The following CDH12 variants were observed in gnomAD, a reference collection of about 807,000 sequenced individuals.
CDH12 encodes cadherin 12, also known as cadherin-12.
CDH12 carries 41 observed loss-of-function variants against 74.1 expected under a neutral mutation model. That is an observed-to-expected ratio of 0.55 (90% confidence interval 0.43 to 0.72). The LOEUF (loss-of-function observed/expected upper bound fraction) is 0.72, where lower values mean the gene tolerates loss of function less well. Ranked by LOEUF, CDH12 falls within the 30% of genes least tolerant of loss-of-function variation. The probability of loss-of-function intolerance (pLI) is 0.00; values close to 1 mark genes in which losing one functional copy is unlikely to be tolerated. For missense variants in CDH12, 945 were observed against 977.2 expected, an observed-to-expected ratio of 0.97 and a Z score of 0.44; for synonymous variants, 399 against 355.0, an observed-to-expected ratio of 1.12 and a Z score of -1.39.
intron 1 of CDH12, among the ~76,000 whole-genome samples, chr5:22,833,064 CT>C (rs1561063901): frequency 6.6e-6 from 1 of 152,090 alleles, no homozygotes; most frequent in African/African-American, 2.4e-5. Context: ...GCATGCCTAA[CT>C]TTTTTCCTTA....
rs796535484 is a variant in CDH12 at position 22,752,560 on chromosome 5, T to C, written c.-523+100498A>G. Reference sequence around the variant, plus strand: ...TAGGATACTTCTTTTTTTTTTTTTTTTTTTTTTTTTTTTCTTTTTTTTTTT... The same window carrying C: ...TAGGATACTTCTTTTTTTTTTTTTTCTTTTTTTTTTTTTCTTTTTTTTTTT... On this transcript the variant is annotated intron_variant, in intron 1 of 14. Coordinates refer to ENST00000382254, the MANE Select transcript of CDH12 (RefSeq NM_004061.5). Among the ~76,000 whole-genome samples, 242 of 32,516 alleles carry C rather than the reference T, an allele frequency of 7.4e-3. 2 individuals carry two copies. Among genetic ancestry groups the C allele is most frequent in the East Asian group, 0.055 (35 of 642 alleles). 21.3% of individuals were successfully genotyped at this position (32,516 alleles called of 152,430 possible). A position where few individuals can be genotyped will look rare whatever the true frequency, so the allele number is the denominator to read the frequency against.
At chr5:22,281,819 A>G (rs1034213051) in intron 3 of CDH12, among the ~76,000 whole-genome samples, 6 of 152,310 alleles carry the variant, frequency 3.9e-5, no homozygotes, top group African/African-American at 1.2e-4. Context: ...TATAGATTCA[A>G]TGCTATTCCT....
At chr5:21,757,484 C>G (rs1230653162) in intron 13 of CDH12, among the ~76,000 whole-genome samples, 1 of 152,044 alleles carries the variant, frequency 6.6e-6, no homozygotes, top group East Asian at 1.9e-4. Context: ...TGAAAATTGA[C>G]CATAACAAAT....
chr5:22,549,442 A>C, intron 1 of CDH12, among the ~76,000 whole-genome samples: 1 of 152,094 alleles, frequency 6.6e-6, no homozygotes, highest in Non-Finnish European at 1.5e-5. Flanking sequence ...ATAAAGTCTC[A>C]AATTCCAATT....
chr5:22,736,403 T>C (rs1744726971), intron 1 of CDH12, among the ~76,000 whole-genome samples: 1 of 151,872 alleles, frequency 6.6e-6, no homozygotes, highest in Non-Finnish European at 1.5e-5. Context: ...AAAAGATATT[T>C]GCAAGAAAGG....
At chr5:22,055,395 G>T (rs577109240) in intron 5 of CDH12, among the ~76,000 whole-genome samples, 1 of 152,252 alleles carries the variant, frequency 6.6e-6, no homozygotes, top group Admixed American at 6.5e-5. Context: ...CTTAATGGGA[G>T]TATGTTGAAA....
intron 4 of CDH12, among the ~76,000 whole-genome samples, chr5:22,203,918 T>C (rs1335534738): frequency 2.6e-5 from 4 of 152,142 alleles, no homozygotes; most frequent in African/African-American, 4.8e-5. Flanking sequence ...ATTCGGATTG[T>C]GGGATAAGAA....
chr5:21,891,405 T>G (rs1752891042), intron 6 of CDH12, among the ~76,000 whole-genome samples: 1 of 152,106 alleles, frequency 6.6e-6, no homozygotes, highest in Non-Finnish European at 1.5e-5. Context: ...CAAAAGCTAT[T>G]TAAGATAAAA....
chr5:21,868,341 A>G (rs755189455), intron 6 of CDH12, among the ~76,000 whole-genome samples: 2 of 152,178 alleles, frequency 1.3e-5, no homozygotes, highest in South Asian at 4.1e-4. Context: ...AGAGTCCCCA[A>G]CCAGACAAAG....
intron 7 of CDH12, 78 bp downstream of exon 7, chr5:21,854,593 A>G: frequency 8.2e-7 from 1 of 1,216,864 alleles, no homozygotes; most frequent in Non-Finnish European, 1.2e-6. Flanking sequence ...AGAATATGCA[A>G]CTCCCCATGC....
rs80339297 is a variant in CDH12, at chr5:22,039,112, C to A, written c.231+39334G>T. Among the ~76,000 whole-genome samples, 83 of 152,172 alleles carry A rather than the reference C, an allele frequency of 5.5e-4. No individual in the cohort carries two copies. In the East Asian group the frequency reaches 0.015, roughly 27 times the overall value. ...GGACTTACAGAGTCTGGGATACTGC[C>A]GAGTCCCACTATCGCAGGATCCAGG... On this transcript the variant is annotated intron_variant, in intron 5 of 14. Transcript: ENST00000382254.
At chr5:22,512,677 T>C (rs1736660817) in intron 1 of CDH12, among the ~76,000 whole-genome samples, 1 of 152,108 alleles carries the variant, frequency 6.6e-6, no homozygotes, top group South Asian at 2.1e-4. Context: ...ATGAAAAGGA[T>C]TTTAAAAGGA....
intron 6 of CDH12, among the ~76,000 whole-genome samples, chr5:21,939,103 A>G (rs1260511165): frequency 2.7e-5 from 4 of 150,428 alleles, no homozygotes; most frequent in Non-Finnish European, 4.4e-5. Context: ...GCAGCCTTCT[A>G]AAAAATGGGT....
At chr5:21,772,280 T>G (rs1435593425) in intron 11 of CDH12, among the ~76,000 whole-genome samples, 1 of 152,104 alleles carries the variant, frequency 6.6e-6, no homozygotes, top group Non-Finnish European at 1.5e-5. Flanking sequence ...AGAAAAAAAA[T>G]CATATTTGTC....
chr5:22,219,117 T>C (rs1046551406), intron 3 of CDH12, among the ~76,000 whole-genome samples: 1 of 151,698 alleles, frequency 6.6e-6, no homozygotes, highest in African/African-American at 2.4e-5. Context: ...GTCCATTTGT[T>C]CTTAGCTTCT....
intron 6 of CDH12, among the ~76,000 whole-genome samples, chr5:21,918,046 C>G (rs1754179709): frequency 6.6e-6 from 1 of 152,078 alleles, no homozygotes; most frequent in South Asian, 2.1e-4. Flanking sequence ...TTTGTTAAAA[C>G]TGCCCCTTTT....
At chr5:21,806,069 A>G (rs962907002) in intron 9 of CDH12, among the ~76,000 whole-genome samples, 8 of 152,176 alleles carry the variant, frequency 5.3e-5, no homozygotes, top group African/African-American at 1.9e-4. Context: ...ACAACTATAG[A>G]GAAATGAAAT....
At chr5:21,870,285 T>C (rs867513658) in intron 6 of CDH12, among the ~76,000 whole-genome samples, 19 of 152,162 alleles carry the variant, frequency 1.2e-4, no homozygotes, top group African/African-American at 4.1e-4. Context: ...ACTACTTCTG[T>C]GTGTGTCTGT....
chr5:22,570,678 AAATGATATTTG>A, intron 1 of CDH12, among the ~76,000 whole-genome samples: 1 of 111,052 alleles, frequency 9.0e-6, no homozygotes, highest in Non-Finnish European at 2.1e-5. Flanking sequence ...GGTGAATTTG[AAATGATATTTG>A]AAATGATAAA....
Sources: gnomAD v4.1 joint callset for allele counts (sites outside exome capture counted in the v4.1 genomes callset) on GRCh38, gnomAD v4.1.1 for gene constraint, MANE v1.5 for transcripts, NCBI Gene and HGNC (gene_info 2026-07-23, HGNC 2026-07-21) for gene names.